The following PEMT variants were observed in gnomAD, a reference collection of about 807,000 sequenced individuals.
PEMT encodes the protein phosphatidylethanolamine N-methyltransferase.
In PEMT, 23 loss-of-function variants were observed where a neutral mutation model predicts 27.4. The ratio of observed to expected loss-of-function variants is 0.84; its 90% confidence interval spans 0.60 to 1.19. The LOEUF (loss-of-function observed/expected upper bound fraction) is 1.19, where lower values mean the gene tolerates loss of function less well. Ranked by LOEUF, PEMT falls within the 50% of genes most tolerant of loss-of-function variation. The pLI is 0.00. For synonymous variants in PEMT, 137 were observed against 139.1 expected (o/e 0.98, Z 0.11); for missense variants, 307 against 310.1 (o/e 0.99, Z 0.07).
intron 2 of PEMT, among the ~76,000 whole-genome samples, chr17:17,564,823 T>A (rs1420173075): frequency 6.6e-6 from 1 of 152,154 alleles, no homozygotes; most frequent in Non-Finnish European, 1.5e-5. Flanking sequence ...CAGGTGGGAC[T>A]CAGCCTGGTA....
chr17:17,574,223 G>A (rs1368328267), intron 2 of PEMT, among the ~76,000 whole-genome samples: 1 of 89,370 alleles, frequency 1.1e-5, no homozygotes, highest in Non-Finnish European at 2.0e-5. Flanking sequence ...CTCAAAATGA[G>A]ACTAATCAAA....
chr17:17,592,017 G>A (rs1211718753), upstream of PEMT: 78 of 985,354 alleles, frequency 7.9e-5, no homozygotes, highest in Non-Finnish European at 9.4e-5. Context: ...GCCGGGGGCC[G>A]CGGGTCGTAG....
intron 5 of PEMT, among the ~76,000 whole-genome samples, 187 bp downstream of exon 5, chr17:17,509,247 A>G (rs1395570697): frequency 6.6e-6 from 1 of 152,182 alleles, no homozygotes; most frequent in Admixed American, 6.5e-5. Context: ...CTGTTCTGGG[A>G]TGTTGTTTCT....
At chr17:17,577,111 T>A in intron 1 of PEMT, 84 bp from the exon 2 acceptor site, 1 of 1,004,074 alleles carries the variant, frequency 1.0e-6, no homozygotes, top group Non-Finnish European at 1.6e-6. Flanking sequence ...AGTTACCCTC[T>A]GGGAACACAC....
intron 2 of PEMT, among the ~76,000 whole-genome samples, chr17:17,552,911 C>T (rs1909763353): frequency 6.6e-6 from 1 of 152,210 alleles, no homozygotes; most frequent in Non-Finnish European, 1.5e-5. Flanking sequence ...ATCCCTTGCC[C>T]CCTTTCCCCC....
chr17:17,560,726 T>C (rs1910414904), intron 2 of PEMT, among the ~76,000 whole-genome samples: 1 of 151,872 alleles, frequency 6.6e-6, no homozygotes, highest in African/African-American at 2.4e-5. Context: ...GGGTGACAGG[T>C]CCCAACCAAG....
intron 2 of PEMT, among the ~76,000 whole-genome samples, chr17:17,548,438 T>TGGA (rs1478254316): frequency 2.0e-5 from 3 of 152,196 alleles, no homozygotes; most frequent in Non-Finnish European, 4.4e-5. Context: ...TAGGCTGCAC[T>TGGA]GGAGATCATG....
chr17:17,589,386 T>C (rs1374826265), intron 1 of PEMT, among the ~76,000 whole-genome samples: 1 of 151,948 alleles, frequency 6.6e-6, no homozygotes, highest in African/African-American at 2.4e-5. Flanking sequence ...TGGTATGACA[T>C]GGCAGCCACT....
intron 2 of PEMT, among the ~76,000 whole-genome samples, chr17:17,545,957 TCTTTCCTTCTGGA>T (rs1165705030): frequency 6.6e-6 from 1 of 152,208 alleles, no homozygotes; most frequent in African/African-American, 2.4e-5. Context: ...TGCTAAAATC[TCTTTCCTTCTGGA>T]AGGAGGCCAC....
intron 1 of PEMT, among the ~76,000 whole-genome samples, chr17:17,580,370 G>C (rs1259162993): frequency 3.9e-5 from 6 of 152,088 alleles, no homozygotes; most frequent in Admixed American, 3.9e-4. Context: ...CCAGCTACTC[G>C]GGAGGCTGAG....
At chr17:17,571,746 C>T (rs1215029664) in intron 2 of PEMT, among the ~76,000 whole-genome samples, 4 of 151,132 alleles carry the variant, frequency 2.6e-5, no homozygotes, top group African/African-American at 9.7e-5. Flanking sequence ...TCTCACTCTG[C>T]CACCCAAACT....
At chr17:17,581,532 A>G (rs1031786230) in intron 1 of PEMT, among the ~76,000 whole-genome samples, 9 of 152,228 alleles carry the variant, frequency 5.9e-5, no homozygotes, top group African/African-American at 2.2e-4. Flanking sequence ...GAAAGTGAGC[A>G]AGAAATATGC....
At chr17:17,590,679 G>A (rs1277417170) in intron 1 of PEMT, among the ~76,000 whole-genome samples, 1 of 152,244 alleles carries the variant, frequency 6.6e-6, no homozygotes, top group Non-Finnish European at 1.5e-5. Context: ...TGAAGGGAGC[G>A]AAAGAACTGG....
At chr17:17,551,261 T>C (rs1909635265) in intron 2 of PEMT, among the ~76,000 whole-genome samples, 1 of 152,232 alleles carries the variant, frequency 6.6e-6, no homozygotes, top group African/African-American at 2.4e-5. Flanking sequence ...GGAAAGGGAT[T>C]CAAGGGGCAC....
chr17:17,541,143 T>C (rs1302034526), intron 2 of PEMT, among the ~76,000 whole-genome samples: 2 of 152,352 alleles, frequency 1.3e-5, no homozygotes, highest in East Asian at 3.9e-4. Context: ...GTTAGCAGAA[T>C]TGTGCTCCGC....
intron 4 of PEMT, 120 bp from the exon 5 acceptor site, chr17:17,509,665 CAGG>C: frequency 1.4e-6 from 1 of 710,398 alleles, no homozygotes; most frequent in Non-Finnish European, 2.5e-6. Flanking sequence ...CCCTGCCCTC[CAGG>C]AGACTTCAGA....
chr17:17,592,086 G>T (rs1181012096), upstream of PEMT: 3 of 985,004 alleles, frequency 3.0e-6, no homozygotes, highest in South Asian at 1.4e-4. Context: ...GGTCACACAC[G>T]CCCAGGGCCC....
At chr17:17,552,204 A>G (rs1010508690) in intron 2 of PEMT, among the ~76,000 whole-genome samples, 5 of 152,010 alleles carry the variant, frequency 3.3e-5, no homozygotes, top group African/African-American at 9.6e-5. Context: ...CCCAGCTACT[A>G]GGGAGGCTGA....
Position 17,561,988 on chromosome 17 carries a change from G to A in PEMT, c.204+14932C>T, listed in dbSNP as rs898633436. On this transcript the variant is annotated intron_variant, in intron 2 of 6. Transcript: ENST00000255389. This position sits in a 1 kb window ranked among gnomAD's most constrained non-coding sequence, Gnocchi z 4.5. ...CTCCGGTGGGAGGGGCCTCAGGACC[G>A]GATCTGGGCCGGATCCACGAGAGGC... 1.3e-5 allele frequency among the ~76,000 whole-genome samples: 2 copies of A among 152,248 alleles called. No individual in the cohort carries two copies. Among genetic ancestry groups the A allele is most frequent in the Non-Finnish European group, 2.9e-5 (2 of 68,034 alleles).
Sources: allele counts gnomAD v4.1 joint callset (sites outside exome capture counted in the v4.1 genomes callset), GRCh38; gene constraint gnomAD v4.1.1; non-coding constraint Gnocchi (gnomAD v3.1); transcripts MANE v1.5; gene names NCBI Gene and HGNC (gene_info 2026-07-23, HGNC 2026-07-21).